Variants in DPYSL2 observed in about 807,000 individuals in gnomAD.
DPYSL2 encodes dihydropyrimidinase like 2.
A neutral mutation model predicts 69.9 loss-of-function variants in DPYSL2; 13 were observed. The observed-to-expected ratio is 0.19, with a 90% CI of 0.12 to 0.30. The LOEUF is 0.30. Ranked by LOEUF, DPYSL2 falls within the 10% of genes least tolerant of loss-of-function variation. The pLI, the probability that DPYSL2 is intolerant of heterozygous loss-of-function variation, is 1.00. For missense variants in DPYSL2, 587 were observed against 918.9 expected (o/e 0.64, Z 4.67); for synonymous variants, 326 against 359.1 (o/e 0.91, Z 1.04).
chr8:26,646,451 A>C (rs1293300650), intron 10 of DPYSL2, among the ~76,000 whole-genome samples: 3 of 152,186 alleles, frequency 2.0e-5, no homozygotes, highest in Non-Finnish European at 4.4e-5. Context: ...TTGTTTGCTG[A>C]TTTGATAGGT....
intron 1 of DPYSL2, chr8:26,578,216 A>C (rs1267575354): frequency 3.7e-6 from 6 of 1,613,348 alleles, no homozygotes; most frequent in Non-Finnish European, 5.1e-6. Flanking sequence ...TTTTGCCTTA[A>C]AGCTGCCCTC....
At chr8:26,634,502 G>A (rs1802854928) in intron 7 of DPYSL2, among the ~76,000 whole-genome samples, 1 of 143,840 alleles carries the variant, frequency 7.0e-6, no homozygotes. Flanking sequence ...GGCTGGTCTT[G>A]AACTCCTGAT....
rs761177072 is a variant in DPYSL2, at chr8:26,626,609, C to T, written c.794-8C>T. ...TAAAAGTCCACTTCTCTATTTTGTC[C>T]GCACTAGGGGTAAATTCCTTCCTCG... On this transcript the variant is annotated splice_region_variant and splice_polypyrimidine_tract_variant and intron_variant, in intron 4 of 13. Coordinates refer to ENST00000521913, the MANE Select transcript of DPYSL2 (RefSeq NM_001197293.3). The surrounding 1 kb of genome is among the most constrained non-coding windows in gnomAD (Gnocchi z 4.3). 4.2e-5 allele frequency: 68 copies of T among 1,613,414 alleles called. No individual in the cohort carries two copies. The highest frequency in any genetic ancestry group is 3.3e-4 in the Middle Eastern group (2 of 6,082).
intron 3 of DPYSL2, among the ~76,000 whole-genome samples, chr8:26,608,021 G>A (rs2129841103): frequency 6.7e-6 from 1 of 148,362 alleles, no homozygotes; most frequent in South Asian, 2.1e-4. Context: ...AGGTTGCAGT[G>A]AGCCTAGATC....
rs1802210070 is a variant in DPYSL2, at chr8:26,610,893, T to A, written c.629-13250T>A. Among the ~76,000 whole-genome samples the A allele has an allele frequency of 6.6e-6, 1 of 152,166 alleles. No homozygotes were observed. Among genetic ancestry groups the A allele is most frequent in the African/African-American group, 2.4e-5 (1 of 41,430 alleles). ...CAATGCTGTGAGTAGATACTATTAT[T>A]AGGTCCATTTCACAGATAAGAAACC... On this transcript the variant is annotated intron_variant, in intron 3 of 13. Transcript: ENST00000521913. This position sits in a 1 kb window ranked among gnomAD's most constrained non-coding sequence, Gnocchi z 4.5.
At chr8:26,549,903 A>C (rs1800845066) in intron 1 of DPYSL2, among the ~76,000 whole-genome samples, 1 of 152,170 alleles carries the variant, frequency 6.6e-6, no homozygotes, top group Non-Finnish European at 1.5e-5. Context: ...CATTGCAAGA[A>C]ATGTTAAAAA....
rs1214038645 is a variant in DPYSL2 at position 26,650,581 on chromosome 8, T to G, written c.1597-1676T>G. 6.6e-6 allele frequency among the ~76,000 whole-genome samples: 1 copy of G among 152,200 alleles called. No homozygotes were observed. Among genetic ancestry groups the G allele is most frequent in the Non-Finnish European group, 1.5e-5 (1 of 68,042 alleles). ...CACACAACTTCTGGATTTTACCGTA[T>G]CTGAGATGCCATCGATTTTAAGATA... On this transcript the variant is annotated intron_variant, in intron 11 of 13. Coordinates refer to ENST00000521913, the MANE Select transcript of DPYSL2 (RefSeq NM_001197293.3). The surrounding 1 kb of genome is among the most constrained non-coding windows in gnomAD (Gnocchi z 5.3).
chr8:26,615,612 C>T (rs1802328483), intron 3 of DPYSL2, among the ~76,000 whole-genome samples: 1 of 152,076 alleles, frequency 6.6e-6, no homozygotes, highest in East Asian at 1.9e-4. Flanking sequence ...CACTGAGCAC[C>T]TTCTGTATAC....
chr8:26,615,604 C>T (rs1315885751), intron 3 of DPYSL2, among the ~76,000 whole-genome samples: 1 of 152,104 alleles, frequency 6.6e-6, no homozygotes, highest in Non-Finnish European at 1.5e-5. Flanking sequence ...CCTGTGTGCA[C>T]TGAGCACCTT....
rs1017395448 is a variant in DPYSL2, at chr8:26,605,009, T to G, written c.629-19134T>G. ...TTGTTAGCGTGGTCATCATTTGGTC[T>G]GCTTTAGTAGAGAGTATCTTTTATG... On this transcript the variant is annotated intron_variant, in intron 3 of 13. Transcript: ENST00000521913. This position sits in a 1 kb window ranked among gnomAD's most constrained non-coding sequence, Gnocchi z 4.1. Among the ~76,000 whole-genome samples the G allele has an allele frequency of 6.6e-6, 1 of 152,192 alleles. No individual in the cohort carries two copies. The highest frequency in any genetic ancestry group is 1.5e-5 in the Non-Finnish European group (1 of 68,044).
At chr8:26,635,794 T>C (rs149600006) in intron 8 of DPYSL2, among the ~76,000 whole-genome samples, 191 of 152,328 alleles carry the variant, frequency 1.3e-3, no homozygotes, top group African/African-American at 4.4e-3. Flanking sequence ...TTCTGTTTCA[T>C]TTTATCTTTC....
intron 1 of DPYSL2, among the ~76,000 whole-genome samples, chr8:26,546,767 A>C (rs1456115911): frequency 1.3e-5 from 2 of 150,970 alleles, no homozygotes; most frequent in Non-Finnish European, 3.0e-5. Flanking sequence ...AAAATTCAAA[A>C]AAAATTAGCC....
intron 1 of DPYSL2, among the ~76,000 whole-genome samples, chr8:26,545,615 A>T (rs1178128155): frequency 6.6e-6 from 1 of 152,060 alleles, no homozygotes; most frequent in Non-Finnish European, 1.5e-5. Flanking sequence ...AAAATACAAA[A>T]AATTAGCTGG....
intron 1 of DPYSL2, among the ~76,000 whole-genome samples, chr8:26,568,471 G>A (rs58770780): frequency 0.028 from 4,280 of 152,260 alleles, 206 homozygotes; most frequent in African/African-American, 0.096. Flanking sequence ...CAAACAGGGT[G>A]GGGGAGTAAG....
At chr8:26,581,030 A>C (rs3808564) in intron 1 of DPYSL2, among the ~76,000 whole-genome samples, 1 of 152,066 alleles carries the variant, frequency 6.6e-6, no homozygotes, top group African/African-American at 2.4e-5. Flanking sequence ...TGCATCTTAG[A>C]ATTTGCTATC....
intron 8 of DPYSL2, among the ~76,000 whole-genome samples, chr8:26,636,739 A>T (rs73227620): frequency 0.069 from 10,409 of 151,556 alleles, 456 homozygotes; most frequent in South Asian, 0.15. Context: ...GTTTTTTTTA[A>T]TTTATTTTAT....
intron 1 of DPYSL2, among the ~76,000 whole-genome samples, chr8:26,520,189 T>C (rs1178416897): frequency 6.6e-6 from 1 of 152,202 alleles, no homozygotes; most frequent in African/African-American, 2.4e-5. Context: ...CCATCTGCCA[T>C]GATTGTGAGG....
At chr8:26,629,293 C>A (rs959275375) in intron 7 of DPYSL2, among the ~76,000 whole-genome samples, 4 of 152,034 alleles carry the variant, frequency 2.6e-5, no homozygotes, top group Non-Finnish European at 2.9e-5. Flanking sequence ...GACAGCTAGA[C>A]ACAGCCATAG....
chr8:26,555,544 T>C (rs1472330236), intron 1 of DPYSL2, among the ~76,000 whole-genome samples: 1 of 152,122 alleles, frequency 6.6e-6, no homozygotes, highest in Non-Finnish European at 1.5e-5. Flanking sequence ...AGAATATGTA[T>C]AAGATCTGTA....
Sources: allele counts gnomAD v4.1 joint callset (sites outside exome capture counted in the v4.1 genomes callset), GRCh38; gene constraint gnomAD v4.1.1; non-coding constraint Gnocchi (gnomAD v3.1); transcripts MANE v1.5; gene names NCBI Gene and HGNC (gene_info 2026-07-23, HGNC 2026-07-21).